The following NRXN3 variants were observed in gnomAD, a reference collection of about 807,000 sequenced individuals.
NRXN3 encodes the protein neurexin III.
Under a neutral mutation model 137.6 loss-of-function variants are expected in NRXN3, and 32 were observed. That is an observed-to-expected ratio of 0.23 (90% CI 0.18 to 0.31). NRXN3 has a LOEUF of 0.31. Among genes scored for constraint, NRXN3 ranks in the 10% least tolerant of loss-of-function variants. The probability of loss-of-function intolerance (pLI) is 1.00; values close to 1 mark genes in which losing one functional copy is unlikely to be tolerated. For missense variants in NRXN3, 1,574 were observed against 2,062.5 expected (o/e 0.76, Z 4.59); for synonymous variants, 798 against 784.5 (o/e 1.02, Z -0.29).
At chr14:78,599,132 T>C (rs1208964301) in intron 4 of NRXN3, among the ~76,000 whole-genome samples, 1 of 152,262 alleles carries the variant, frequency 6.6e-6, no homozygotes, top group African/African-American at 2.4e-5. Flanking sequence ...TATATCAGCT[T>C]CTTTTACCCT....
intron 10 of NRXN3, among the ~76,000 whole-genome samples, chr14:78,860,661 G>T (rs78200076): frequency 0.028 from 4,215 of 152,036 alleles, 215 homozygotes; most frequent in African/African-American, 0.096. Flanking sequence ...CTAAAGAAAA[G>T]AAAATGTTAT....
At chr14:78,749,676 T>C (rs758678702) in intron 8 of NRXN3, among the ~76,000 whole-genome samples, 1 of 152,208 alleles carries the variant, frequency 6.6e-6, no homozygotes, top group Non-Finnish European at 1.5e-5. Flanking sequence ...AATAGAGAAA[T>C]GGCTTCAGAG....
intron 10 of NRXN3, among the ~76,000 whole-genome samples, chr14:78,949,714 G>A (rs2099383522): frequency 6.6e-6 from 1 of 152,066 alleles, no homozygotes; most frequent in East Asian, 1.9e-4. Flanking sequence ...GGCTGAGGAG[G>A]GATGGCTGCA....
intron 8 of NRXN3, among the ~76,000 whole-genome samples, chr14:78,751,288 G>A (rs2098640584): frequency 6.6e-6 from 1 of 152,170 alleles, no homozygotes; most frequent in East Asian, 1.9e-4. Context: ...CATCCCCGAT[G>A]TTCCGAAGAA....
chr14:79,792,112 T>C lies in NRXN3; in HGVS notation c.4015-13000T>C, dbSNP rs77984372. ...TGTGCTAAGCACTTTCTTGTGTCTT[T>C]TGGGTTCTCTGAGCAGCTGTAGGAG... is the stretch of plus-strand genomic sequence containing the variant. On this transcript the variant is annotated intron_variant, in intron 19 of 20. Coordinates refer to ENST00000335750, the MANE Select transcript of NRXN3 (RefSeq NM_001330195.2). Among the ~76,000 whole-genome samples the C allele has an allele frequency of 2.2e-3, 334 of 152,234 alleles. 10 individuals are homozygous for C. In the East Asian group the frequency reaches 0.043, roughly 20 times the overall value.
chr14:78,808,016 T>TG (rs2098887624), intron 9 of NRXN3, among the ~76,000 whole-genome samples: 1 of 151,922 alleles, frequency 6.6e-6, no homozygotes, highest in African/African-American at 2.4e-5. Flanking sequence ...TGTGTATGTG[T>TG]GCGTGTGTCT....
intron 19 of NRXN3, among the ~76,000 whole-genome samples, chr14:79,769,649 A>G (rs550828683): frequency 2.2e-4 from 33 of 152,290 alleles, no homozygotes; most frequent in South Asian, 6.2e-4. Flanking sequence ...GGAACAACCG[A>G]TACCAGCCGC....
chr14:79,288,094 A>G (rs2082580521), intron 15 of NRXN3, among the ~76,000 whole-genome samples: 1 of 152,134 alleles, frequency 6.6e-6, no homozygotes, highest in South Asian at 2.1e-4. Flanking sequence ...TTATAGGTCT[A>G]TTTTCTTGAC....
At chr14:78,772,550 G>T (rs2098731794) in intron 8 of NRXN3, among the ~76,000 whole-genome samples, 1 of 152,130 alleles carries the variant, frequency 6.6e-6, no homozygotes, top group South Asian at 2.1e-4. Context: ...ATGATAAAAA[G>T]GAATCAATCC....
chr14:78,738,362 G>A (rs1036865871), intron 8 of NRXN3, among the ~76,000 whole-genome samples: 2 of 152,168 alleles, frequency 1.3e-5, no homozygotes, highest in Non-Finnish European at 2.9e-5. Context: ...CAGCTCACCC[G>A]TTCGAGGAAT....
At chr14:79,760,759 G>A (rs2099035728) in intron 19 of NRXN3, 2 of 151,444 alleles carry the variant, frequency 1.3e-5, no homozygotes, top group African/African-American at 4.9e-5. Flanking sequence ...CCATCTACAC[G>A]TGTTCTCTTC....
chr14:79,243,809 A>G (rs1188956173), intron 15 of NRXN3, among the ~76,000 whole-genome samples: 7 of 152,126 alleles, frequency 4.6e-5, no homozygotes, highest in African/African-American at 1.7e-4. Context: ...TGGGACCATG[A>G]TCATATATGC....
intron 15 of NRXN3, among the ~76,000 whole-genome samples, chr14:79,137,037 C>T (rs913190284): frequency 1.3e-5 from 2 of 152,152 alleles, no homozygotes; most frequent in Non-Finnish European, 2.9e-5. Context: ...CATTTGAGGA[C>T]CATGAAATTC....
chr14:79,517,297 A>G (rs74070263), intron 16 of NRXN3, among the ~76,000 whole-genome samples: 4,177 of 152,104 alleles, frequency 0.027, 204 homozygotes, highest in African/African-American at 0.096. Flanking sequence ...CTTTCTATTG[A>G]TATTTTTTGA....
Position 79,480,461 on chromosome 14 carries a change from CT to C in NRXN3, c.3444+13060del, listed in dbSNP as rs532023574. On this transcript the variant is annotated intron_variant, in intron 16 of 20. Coordinates refer to ENST00000335750, the MANE Select transcript of NRXN3 (RefSeq NM_001330195.2). ...TGAATGATCCACAAAGCACAGCCGC[CT>C]CTTAAAAGAAGACAAAAATCTCCCT... is the stretch of plus-strand genomic sequence containing the variant. 3.2e-3 allele frequency among the ~76,000 whole-genome samples: 491 copies of C among 152,226 alleles called. 4 individuals carry two copies. Among genetic ancestry groups the C allele is most frequent in the Non-Finnish European group, 5.4e-3 (369 of 68,012 alleles).
At chr14:78,514,149 G>T (rs533693750) in intron 4 of NRXN3, among the ~76,000 whole-genome samples, 1 of 152,232 alleles carries the variant, frequency 6.6e-6, no homozygotes, top group Middle Eastern at 3.4e-3. Flanking sequence ...AGTGTCCAGG[G>T]TCTCCAGGAG....
At chr14:79,288,537 A>C (rs763641534) in intron 15 of NRXN3, among the ~76,000 whole-genome samples, 7 of 152,156 alleles carry the variant, frequency 4.6e-5, no homozygotes, top group Non-Finnish European at 7.3e-5. Flanking sequence ...TAAAGTGACT[A>C]TTTTACGATT....
At chr14:79,379,136 A>AT (rs1347849917) in intron 15 of NRXN3, among the ~76,000 whole-genome samples, 1 of 152,080 alleles carries the variant, frequency 6.6e-6, no homozygotes, top group Non-Finnish European at 1.5e-5. Flanking sequence ...AAAAGCTAGA[A>AT]TTTTTTTGTT....
intron 15 of NRXN3, among the ~76,000 whole-genome samples, chr14:79,226,833 T>G (rs1361711159): frequency 2.6e-5 from 2 of 75,982 alleles, no homozygotes; most frequent in African/African-American, 4.7e-5. Context: ...TTTTTTTTTT[T>G]GAGACAGAGT....
Sources: allele counts gnomAD v4.1 joint callset (sites outside exome capture counted in the v4.1 genomes callset), GRCh38; gene constraint gnomAD v4.1.1; transcripts MANE v1.5; gene names NCBI Gene and HGNC (gene_info 2026-07-23, HGNC 2026-07-21).